RBBP8: variants seen among roughly 807,000 people sequenced by gnomAD.
RBBP8 encodes DNA endonuclease RBBP8.
Under a neutral mutation model 108.3 loss-of-function variants are expected in RBBP8, and 88 were observed. The observed-to-expected ratio is 0.81, with a 90% confidence interval of 0.68 to 0.97. The LOEUF is 0.97. Among genes scored for constraint, RBBP8 ranks in the 50% least tolerant of loss-of-function variants. The pLI is 0.00. For missense variants in RBBP8, 1,023 were observed against 1,049.0 expected (o/e 0.98, Z 0.34); for synonymous variants, 332 against 348.2 (o/e 0.95, Z 0.52).
rs1470621936 is a variant in RBBP8, at chr18:23,026,059, A to G, written c.2597-84A>G. 18 of 1,074,236 alleles carry G rather than the reference A, an allele frequency of 1.7e-5. No individual in the cohort carries two copies. The Middle Eastern group carries it at 1.0e-3, about 61-fold the overall frequency. The allele number at this position is 1,074,236 out of a possible 1,614,324, so 66.5% of individuals were successfully genotyped here. Reference sequence around the variant, plus strand: ...AATCATGTAAACTTACAAAGCATCAAATAAGAGAAATGTTTACTAGATATA... The same window carrying G: ...AATCATGTAAACTTACAAAGCATCAGATAAGAGAAATGTTTACTAGATATA... On this transcript the variant is annotated intron_variant, in intron 18 of 18. Transcript: ENST00000327155.
At chr18:22,980,963 G>GTTTTTTT (rs1567975146) in intron 6 of RBBP8, among the ~76,000 whole-genome samples, 5 of 26,498 alleles carry the variant, frequency 1.9e-4, no homozygotes, top group Admixed American at 7.2e-4. Context: ...AGCCACTTAT[G>GTTTTTTT]TCTTTTTTTT....
chr18:22,935,161 A>G (rs13381223), intron 1 of RBBP8, among the ~76,000 whole-genome samples: 5,908 of 151,540 alleles, frequency 0.039, 127 homozygotes, highest in African/African-American at 0.062. Context: ...ACTTTTTTAC[A>G]GAAATAAATG....
At chr18:22,988,388 T>C (rs2144681513) in intron 8 of RBBP8, among the ~76,000 whole-genome samples, 1 of 152,326 alleles carries the variant, frequency 6.6e-6, no homozygotes, top group African/African-American at 2.4e-5. Flanking sequence ...GTTTGACTTC[T>C]AGCAGTCAAA....
upstream of RBBP8, chr18:22,929,505 TGTGTGAAGAGACAGGC>T (rs1909927950): frequency 4.7e-5 from 2 of 42,234 alleles, no homozygotes; most frequent in Admixed American, 2.2e-4. Flanking sequence ...TGTGTGTGTG[TGTGTGAAGAGACAGGC>T]GGGTGTGTGT....
intron 3 of RBBP8, among the ~76,000 whole-genome samples, chr18:22,925,772 G>C (rs887831043): frequency 6.6e-6 from 1 of 152,062 alleles, no homozygotes; most frequent in African/African-American, 2.4e-5. Context: ...ATTTTCCATT[G>C]CTGTAAATAA....
intron 3 of RBBP8, among the ~76,000 whole-genome samples, chr18:22,924,013 C>A (rs12960915): frequency 0.49 from 74,056 of 151,864 alleles, 21,364 homozygotes; most frequent in Middle Eastern, 0.67. Context: ...CCAATCCTGA[C>A]TGAGAAAGTC....
At position 22,970,863 on chromosome 18, in the gene RBBP8, A is replaced by C. The variant is rs192549892; in HGVS notation, c.361+1945A>C. ...GACTTCATTTTATAACTACTTGACA[A>C]GTGGAAGTTTTGTATATTTTCTTAC... On this transcript the variant is annotated intron_variant, in intron 5 of 18. Coordinates refer to ENST00000327155, the MANE Select transcript of RBBP8 (RefSeq NM_002894.3). 5.3e-5 allele frequency among the ~76,000 whole-genome samples: 8 copies of C among 152,326 alleles called. No individual in the cohort carries two copies. The East Asian group carries it at 7.7e-4, about 15-fold the overall frequency.
At chr18:22,933,012 G>C (rs1910134065), upstream of RBBP8, among the ~76,000 whole-genome samples, 1 of 152,130 alleles carries the variant, frequency 6.6e-6, no homozygotes, top group Non-Finnish European at 1.5e-5. Context: ...CTCTTCATTC[G>C]GTACAGGTCA....
chr18:23,006,386 G>C lies in RBBP8; in HGVS notation c.2311G>C (p.Val771Leu). 1 of 1,613,688 alleles carries C rather than the reference G, an allele frequency of 6.2e-7. No individual in the cohort carries two copies. Among genetic ancestry groups the C allele is most frequent in the Non-Finnish European group, 8.5e-7 (1 of 1,179,796 alleles). The change falls in exon 16 of 19, where the codon GTC (valine) becomes CTC (leucine). Residue 771 changes from valine (V) to leucine (L), a missense_variant. Val to Leu is a conservative substitution (Grantham distance 32, BLOSUM62 1). Coordinates refer to ENST00000327155, the MANE Select transcript of RBBP8 (RefSeq NM_002894.3). ...LHTHGDKQDKVKQKAFVEPYF... is the reference protein window; with the variant it reads ...LHTHGDKQDKLKQKAFVEPYF... ...AGCTCATGGTGATAAACAAGACAAAGTCAAGCAGAAAGCGTTTGTGGAGCC... is the reference window on the plus strand; with the variant it reads ...AGCTCATGGTGATAAACAAGACAAACTCAAGCAGAAAGCGTTTGTGGAGCC...
At chr18:23,006,834 CTG>C (rs1160717653) in intron 16 of RBBP8, among the ~76,000 whole-genome samples, 5 of 151,782 alleles carry the variant, frequency 3.3e-5, no homozygotes, top group African/African-American at 1.2e-4. Flanking sequence ...TATCTCTAAA[CTG>C]TTAAATTGCT....
At position 22,984,638 on chromosome 18, in the gene RBBP8, G is replaced by A. The variant is rs147905683; in HGVS notation, c.605-248G>A. Among the ~76,000 whole-genome samples the A allele has an allele frequency of 2.2e-3, 334 of 152,282 alleles. 1 individual carries two copies. Among genetic ancestry groups the A allele is most frequent in the African/African-American group, 7.7e-3 (318 of 41,544 alleles). ...AATGTTACTACTCTAGGCAATTTGG[G>A]TTAGAAGAAGCTGTCTGTTCTAGTC... On this transcript the variant is annotated intron_variant, in intron 7 of 18. Coordinates refer to ENST00000327155, the MANE Select transcript of RBBP8 (RefSeq NM_002894.3).
chr18:22,936,728 A>G (rs958964768), intron 1 of RBBP8, 26 bp from the exon 2 acceptor site: 1 of 1,085,794 alleles, frequency 9.2e-7, no homozygotes, highest in Non-Finnish European at 1.4e-6. Context: ...TGCAAAGTTC[A>G]TTTATGTTGC....
intron 1 of RBBP8, among the ~76,000 whole-genome samples, chr18:22,935,899 G>A (rs907746512): frequency 6.6e-6 from 1 of 152,082 alleles, no homozygotes; most frequent in Non-Finnish European, 1.5e-5. Flanking sequence ...TGTATTCATA[G>A]ATCTTTGCTG....
At chr18:23,011,631 G>A (rs887232453) in intron 16 of RBBP8, among the ~76,000 whole-genome samples, 3 of 151,736 alleles carry the variant, frequency 2.0e-5, no homozygotes, top group African/African-American at 7.3e-5. Flanking sequence ...AGTAGAGATG[G>A]GGTTTCACCA....
At chr18:22,979,714 C>G (rs754364980) in intron 6 of RBBP8, among the ~76,000 whole-genome samples, 3 of 152,172 alleles carry the variant, frequency 2.0e-5, no homozygotes, top group Non-Finnish European at 2.9e-5. Context: ...ATTCACAATT[C>G]AATTCAAACC....
At chr18:23,015,983 C>T (rs530842406) in intron 16 of RBBP8, among the ~76,000 whole-genome samples, 72 of 152,210 alleles carry the variant, frequency 4.7e-4, no homozygotes, top group African/African-American at 1.6e-3. Flanking sequence ...AGTCTCAGCT[C>T]GCTGCAACAT....
rs144868397 is a variant in RBBP8, at chr18:22,995,051, T to G, written c.1939+1204T>G. Among the ~76,000 whole-genome samples, 396 of 152,284 alleles carry G rather than the reference T, an allele frequency of 2.6e-3. 2 individuals carry two copies. The highest frequency in any genetic ancestry group is 9.0e-3 in the African/African-American group (373 of 41,550). On this transcript the variant is annotated intron_variant, in intron 12 of 18. Transcript: ENST00000327155. ...CTGCTATCTTTAAAAAAGTAATTTT[T>G]TTTTTCAGCCACCAAACATTTCTGT...
chr18:22,929,455 T>C (rs1909912160), upstream of RBBP8: 1 of 149,296 alleles, frequency 6.7e-6, no homozygotes, highest in East Asian at 2.0e-4. Context: ...GCAACTGGAT[T>C]GTTTGGGCAG....
chr18:23,015,173 T>C (rs1024364528), intron 16 of RBBP8, among the ~76,000 whole-genome samples: 2 of 152,156 alleles, frequency 1.3e-5, no homozygotes, highest in Non-Finnish European at 2.9e-5. Context: ...GCTGGGATTA[T>C]AGGCATGAGC....
Sources: gnomAD v4.1 joint callset for allele counts (sites outside exome capture counted in the v4.1 genomes callset) on GRCh38, gnomAD v4.1.1 for gene constraint, MANE v1.5 for transcripts, NCBI Gene and HGNC (gene_info 2026-07-23, HGNC 2026-07-21) for gene names.